SLC25A10: variants seen among roughly 807,000 people sequenced by gnomAD.
SLC25A10 encodes mitochondrial dicarboxylate carrier.
In SLC25A10, 32 loss-of-function variants were observed where a neutral mutation model predicts 40.4. That is an observed-to-expected ratio of 0.79 (90% CI 0.60 to 1.06). SLC25A10 has a LOEUF of 1.06. Among genes scored for constraint, SLC25A10 ranks in the 50% least tolerant of loss-of-function variants. The pLI, the probability that SLC25A10 is intolerant of heterozygous loss-of-function variation, is 0.00. For missense variants in SLC25A10, 394 were observed against 402.6 expected, an observed-to-expected ratio of 0.98 and a Z score of 0.18; for synonymous variants, 181 against 171.1, an observed-to-expected ratio of 1.06 and a Z score of -0.45.
rs2144549271 is a variant in SLC25A10, at chr17:81,720,488, C to T, written c.*411C>T. 4 of 1,318,132 alleles carry T rather than the reference C, an allele frequency of 3.0e-6. No homozygotes were observed. The highest frequency in any genetic ancestry group is 3.0e-5 in the African/African-American group (2 of 67,052). The allele number at this position is 1,318,132 out of a possible 1,614,324, so 81.7% of individuals were successfully genotyped here. ...GGACTTGGGTGGCAGAGTGTGGGTGCAGCCTGGCTGTTGCTCACCCAAGTG... is the reference window on the plus strand; with the variant it reads ...GGACTTGGGTGGCAGAGTGTGGGTGTAGCCTGGCTGTTGCTCACCCAAGTG... On this transcript the variant is annotated 3_prime_UTR_variant, in exon 11 of 11. Coordinates refer to ENST00000350690, the MANE Select transcript of SLC25A10 (RefSeq NM_012140.5).
At chr17:81,717,687 G>A (rs907737758) in intron 8 of SLC25A10, 97 bp from the exon 9 acceptor site, 71 of 1,444,946 alleles carry the variant, frequency 4.9e-5, no homozygotes, top group African/African-American at 1.1e-4. Context: ...TTCCTGGCCC[G>A]CCCTAGGAGT....
rs1399735194 is a variant in SLC25A10, at chr17:81,720,410, C to T, written c.*333C>T. The T allele has an allele frequency of 5.1e-6, 7 of 1,384,304 alleles. No individual in the cohort carries two copies. The highest frequency in any genetic ancestry group is 6.5e-6 in the Non-Finnish European group (7 of 1,075,594). 85.8% of individuals were successfully genotyped at this position (1,384,304 alleles called of 1,614,324 possible). A position where few individuals can be genotyped will look rare whatever the true frequency, so the allele number is the denominator to read the frequency against. The stretch of plus-strand genomic sequence containing the variant: ...CCTGGGCCAGGGGAGGGGTATTATC[C>T]CTGCCTCCTGCCCCCGATGCCCAAA... On this transcript the variant is annotated 3_prime_UTR_variant, in exon 11 of 11. Coordinates refer to ENST00000350690, the MANE Select transcript of SLC25A10 (RefSeq NM_012140.5).
At chr17:81,716,719 A>G in intron 5 of SLC25A10, 93 bp from the exon 6 acceptor site, 1 of 1,353,488 alleles carries the variant, frequency 7.4e-7, no homozygotes, top group Non-Finnish European at 1.0e-6. Context: ...TGCTTCCTCG[A>G]GAACCCCCGG....
intron 9 of SLC25A10, among the ~76,000 whole-genome samples, 156 bp from the exon 10 acceptor site, chr17:81,719,675 T>A (rs2037552711): frequency 6.6e-6 from 1 of 152,052 alleles, no homozygotes; most frequent in Non-Finnish European, 1.5e-5. Context: ...GGTCACCTGT[T>A]ACCAGCCAGC....
At chr17:81,718,089 T>C (rs2037522348) in intron 9 of SLC25A10, among the ~76,000 whole-genome samples, 2 of 152,352 alleles carry the variant, frequency 1.3e-5, no homozygotes, top group Admixed American at 6.5e-5. Flanking sequence ...CTCATGCCTG[T>C]AACCCCAGCA....
intron 9 of SLC25A10, among the ~76,000 whole-genome samples, chr17:81,719,590 T>C (rs959374471): frequency 3.3e-5 from 5 of 152,230 alleles, no homozygotes; most frequent in Non-Finnish European, 1.5e-5. Context: ...GACCCCGGGC[T>C]GCACCCTCGG....
intron 1 of SLC25A10, among the ~76,000 whole-genome samples, chr17:81,713,746 G>A (rs1388734624): frequency 2.0e-5 from 3 of 152,240 alleles, no homozygotes; most frequent in Admixed American, 6.5e-5. Context: ...TGTTGAAGGC[G>A]GGACCTGCGT....
At chr17:81,717,331 G>A (rs777553075) in intron 7 of SLC25A10, 68 bp from the exon 8 acceptor site, 1 of 1,487,174 alleles carries the variant, frequency 6.7e-7, no homozygotes. Flanking sequence ...GGTGTCGCCT[G>A]GGGCCCTGTG....
intron 5 of SLC25A10, 107 bp from the exon 6 acceptor site, chr17:81,716,705 C>A (rs1351450046): frequency 1.8e-6 from 2 of 1,109,422 alleles, no homozygotes; most frequent in Admixed American, 2.1e-5. Flanking sequence ...GCCCATGAGG[C>A]CTCTGCTTCC....
In SLC25A10 at chr17:81,716,774, A is replaced by G. The variant is rs767894748; in HGVS notation, c.420-38A>G. The G allele has an allele frequency of 5.0e-6, 8 of 1,590,092 alleles. No individual in the cohort carries two copies. In the South Asian group the frequency reaches 5.7e-5, roughly 11 times the overall value. On this transcript the variant is annotated intron_variant, in intron 5 of 10. Coordinates refer to ENST00000350690, the MANE Select transcript of SLC25A10 (RefSeq NM_012140.5). ...GGACCCTCTGTGGGAGCCGGTGGTC[A>G]GGGGGAGTCTCATGTGGTCATTCTG...
At chr17:81,716,537 C>T (rs779162357) in intron 5 of SLC25A10, 10 of 568,460 alleles carry the variant, frequency 1.8e-5, no homozygotes, top group African/African-American at 1.1e-4. Flanking sequence ...CCCAGGACCC[C>T]GGGGGCTGGC....
chr17:81,714,931 C>A, intron 1 of SLC25A10, 22 bp from the exon 2 acceptor site: 1 of 1,604,864 alleles, frequency 6.2e-7, no homozygotes, highest in South Asian at 1.1e-5. Flanking sequence ...GCTGTGGGGT[C>A]TGAGAGCACT....
intron 1 of SLC25A10, chr17:81,713,563 C>A: frequency 1.1e-6 from 1 of 887,520 alleles, no homozygotes; most frequent in Non-Finnish European, 1.4e-6. Flanking sequence ...TGGGAGAGGC[C>A]TTCAGAGCTC....
At chr17:81,718,633 T>G (rs767098216) in intron 9 of SLC25A10, among the ~76,000 whole-genome samples, 4 of 151,686 alleles carry the variant, frequency 2.6e-5, no homozygotes, top group Non-Finnish European at 5.9e-5. Context: ...CCAGCCTGGG[T>G]GACAGAGTGA....
Position 81,716,952 on chromosome 17 carries a change from C to A in SLC25A10, c.464-50C>A, listed in dbSNP as rs556834379. 2.5e-6 allele frequency: 4 copies of A among 1,608,956 alleles called. No homozygotes were observed. In the South Asian group the frequency reaches 4.4e-5, roughly 18 times the overall value. Reference sequence around the variant, plus strand: ...GGCGCTGAGGGATTTGGGCCAGGTGCCTGGCCTCACCCCTTGCCTCACCCC... The same window carrying A: ...GGCGCTGAGGGATTTGGGCCAGGTGACTGGCCTCACCCCTTGCCTCACCCC... On this transcript the variant is annotated intron_variant, in intron 6 of 10. Coordinates refer to ENST00000350690, the MANE Select transcript of SLC25A10 (RefSeq NM_012140.5).
rs781358909 is a variant in SLC25A10, at chr17:81,720,432, C to T, written c.*355C>T. On this transcript the variant is annotated 3_prime_UTR_variant, in exon 11 of 11. Transcript: ENST00000350690. ...ATCCCTGCCTCCTGCCCCCGATGCCCAAAGCAGCATCTTCCAGCACTTTCC... is the reference window on the plus strand; with the variant it reads ...ATCCCTGCCTCCTGCCCCCGATGCCTAAAGCAGCATCTTCCAGCACTTTCC... 249 of 1,368,460 alleles carry T rather than the reference C, an allele frequency of 1.8e-4. 1 individual carries two copies. Among genetic ancestry groups the T allele is most frequent in the Non-Finnish European group, 4.6e-5 (49 of 1,067,274 alleles). The allele number at this position is 1,368,460 out of a possible 1,614,324, so 84.8% of individuals were successfully genotyped here. A position where few individuals can be genotyped will look rare whatever the true frequency, so the allele number is the denominator to read the frequency against.
At chr17:81,713,336 A>G (rs750850435) in intron 1 of SLC25A10, 16 of 440,730 alleles carry the variant, frequency 3.6e-5, no homozygotes, top group Middle Eastern at 1.1e-3. Flanking sequence ...GAGGCTTTGC[A>G]CAGTCTGCCC....
In SLC25A10 at chr17:81,712,469, C is replaced by T; in HGVS notation, c.43C>T (p.Leu15=). 1 of 1,307,068 alleles carries T rather than the reference C, an allele frequency of 7.7e-7. No individual in the cohort carries two copies. Among genetic ancestry groups the T allele is most frequent in the East Asian group, 3.1e-5 (1 of 32,222 alleles). The allele number at this position is 1,307,068 out of a possible 1,614,324, so 81.0% of individuals were successfully genotyped here. ...ARVSRWYFGG[L]ASCGAACCTH... ...CGTGTCGCGCTGGTACTTCGGGGGG[C>T]TGGCCTCCTGCGGGGCCGCCTGCTG... The change falls in exon 1 of 11, where the codon CTG becomes TTG. Residue 15 remains leucine (L), a synonymous_variant. Transcript: ENST00000350690.
chr17:81,713,876 G>A (rs377108043), intron 1 of SLC25A10, among the ~76,000 whole-genome samples: 4 of 152,230 alleles, frequency 2.6e-5, no homozygotes, highest in South Asian at 2.1e-4. Context: ...CTGGGAGGGC[G>A]GGAGGAGCCA....
Sources: allele counts gnomAD v4.1 joint callset (sites outside exome capture counted in the v4.1 genomes callset), GRCh38; gene constraint gnomAD v4.1.1; transcripts MANE v1.5; gene names NCBI Gene and HGNC (gene_info 2026-07-23, HGNC 2026-07-21).